DNAH7: variants seen among roughly 807,000 people sequenced by gnomAD.
DNAH7 encodes the protein dynein axonemal heavy chain 7, also known as axonemal beta dynein heavy chain 7.
A neutral mutation model predicts 444.6 loss-of-function variants in DNAH7; 397 were observed. That is an observed-to-expected ratio of 0.89 (90% confidence interval 0.82 to 0.97). DNAH7 has a LOEUF of 0.97. Ranked by LOEUF, DNAH7 falls within the 50% of genes least tolerant of loss-of-function variation. DNAH7 has a pLI of 0.00. For missense variants in DNAH7, 4,902 were observed against 4,800.8 expected, an observed-to-expected ratio of 1.02 and a Z score of -0.62; for synonymous variants, 1,636 against 1,624.4, an observed-to-expected ratio of 1.01 and a Z score of -0.17.
chr2:195,956,397 T>C (rs1452563179), intron 19 of DNAH7, among the ~76,000 whole-genome samples: 2 of 152,190 alleles, frequency 1.3e-5, no homozygotes, highest in African/African-American at 4.8e-5. Context: ...ACGCCTGCAA[T>C]CCCAGCATTT....
In DNAH7 at chr2:195,876,530, CAA is replaced by C. The variant is rs1225254595; in HGVS notation, c.6117+12_6117+13del. 6.2e-7 allele frequency: 1 copy of C among 1,612,912 alleles called. No individual in the cohort carries two copies. Among genetic ancestry groups the C allele is most frequent in the Admixed American group, 1.7e-5 (1 of 59,936 alleles). ...TATATGAATAGGCCCGGGTACTGTA[CAA>C]AGAGTCATTACCATTCTCTTGCCCA... is the stretch of plus-strand genomic sequence containing the variant. On this transcript the variant is annotated intron_variant, in intron 37 of 64. Coordinates refer to ENST00000312428, the MANE Select transcript of DNAH7 (RefSeq NM_018897.3).
chr2:195,922,034 G>T, intron 24 of DNAH7, 54 bp downstream of exon 24: 1 of 1,018,392 alleles, frequency 9.8e-7, no homozygotes, highest in Non-Finnish European at 1.6e-6. Context: ...TAAATCAGTG[G>T]TACAGGGGTG....
intron 46 of DNAH7, among the ~76,000 whole-genome samples, chr2:195,846,951 G>GTA (rs1325302916): frequency 7.5e-6 from 1 of 133,982 alleles, no homozygotes; most frequent in Non-Finnish European, 1.6e-5. Context: ...TCCCATATAT[G>GTA]TGTGTGTGTG....
intron 57 of DNAH7, among the ~76,000 whole-genome samples, chr2:195,790,981 A>C (rs1695851004): frequency 6.6e-6 from 1 of 152,226 alleles, no homozygotes; most frequent in African/African-American, 2.4e-5. Flanking sequence ...TAAGGAACTT[A>C]AACAATTTAG....
At chr2:195,878,759 A>T (rs1701201435) in intron 36 of DNAH7, among the ~76,000 whole-genome samples, 1 of 152,224 alleles carries the variant, frequency 6.6e-6, no homozygotes, top group South Asian at 2.1e-4. Flanking sequence ...TAATTAATAT[A>T]AAAAACTTCC....
chr2:195,971,335 A>T (rs1462621372), intron 16 of DNAH7, among the ~76,000 whole-genome samples: 1 of 152,234 alleles, frequency 6.6e-6, no homozygotes, highest in Non-Finnish European at 1.5e-5. Context: ...TGCTCACAGC[A>T]TTTCTGTGTG....
intron 40 of DNAH7, among the ~76,000 whole-genome samples, chr2:195,865,448 CAATA>C (rs990157309): frequency 6.6e-6 from 1 of 152,080 alleles, no homozygotes; most frequent in Non-Finnish European, 1.5e-5. Flanking sequence ...ATTGACAAAT[CAATA>C]GTTTTTGCTT....
At position 196,012,917 on chromosome 2, in the gene DNAH7, T is replaced by G; in HGVS notation, c.870-11A>C. Reference sequence around the variant, plus strand: ...ACTAAACGTAATTTTCTGCAAAAGATAAAAATAAACAGTAATTTAACAATG... The same window carrying G: ...ACTAAACGTAATTTTCTGCAAAAGAGAAAAATAAACAGTAATTTAACAATG... On this transcript the variant is annotated splice_polypyrimidine_tract_variant and intron_variant, in intron 9 of 64. Transcript: ENST00000312428. 1 of 1,470,530 alleles carries G rather than the reference T, an allele frequency of 6.8e-7. No homozygotes were observed. The highest frequency in any genetic ancestry group is 1.5e-5 in the South Asian group (1 of 67,690). 91.1% of individuals were successfully genotyped at this position (1,470,530 alleles called of 1,614,324 possible).
intron 55 of DNAH7, among the ~76,000 whole-genome samples, chr2:195,798,811 G>A (rs1559104879): frequency 6.6e-6 from 1 of 152,030 alleles, no homozygotes; most frequent in East Asian, 1.9e-4. Flanking sequence ...CTCCCAAAGT[G>A]TTGGGATTAC....
At chr2:195,758,424 T>A (rs1251560017) in intron 61 of DNAH7, among the ~76,000 whole-genome samples, 1 of 152,232 alleles carries the variant, frequency 6.6e-6, no homozygotes, top group Non-Finnish European at 1.5e-5. Flanking sequence ...CTATTTCATT[T>A]ACATTTTAAA....
At chr2:195,868,141 G>A (rs1231766911) in intron 40 of DNAH7, among the ~76,000 whole-genome samples, 6 of 141,818 alleles carry the variant, frequency 4.2e-5, no homozygotes, top group African/African-American at 1.3e-4. Flanking sequence ...TGTCACCCAG[G>A]TTGGAGTGCA....
chr2:195,919,993 C>A (rs2125341035), intron 24 of DNAH7, among the ~76,000 whole-genome samples: 1 of 152,180 alleles, frequency 6.6e-6, no homozygotes, highest in South Asian at 2.1e-4. Context: ...AAGATGTAGG[C>A]CATTAAAGCA....
rs1559074696 is a variant in DNAH7, at chr2:195,756,273, T to C, written c.11446A>G (p.Met3816Val). The change falls in exon 62 of 65, where the codon ATG becomes GTG. Residue 3816 changes from methionine (M) to valine (V), a missense_variant. Transcript: ENST00000312428. ...IQKAIKGLAVMSTDLEEVVSS... is the reference protein window; with the variant it reads ...IQKAIKGLAVVSTDLEEVVSS... Reference sequence around the variant, plus strand: ...ACCACTTCTTCAAGATCTGTAGACATGACTGCAAGCCCCTGAAACACATTT... The same window carrying C: ...ACCACTTCTTCAAGATCTGTAGACACGACTGCAAGCCCCTGAAACACATTT... The C allele has an allele frequency of 1.2e-6, 2 of 1,611,154 alleles. No individual in the cohort carries two copies. Among genetic ancestry groups the C allele is most frequent in the Non-Finnish European group, 1.7e-6 (2 of 1,178,220 alleles).
At chr2:195,812,488 TTTTTG>T (rs1338584700) in intron 51 of DNAH7, among the ~76,000 whole-genome samples, 1 of 152,204 alleles carries the variant, frequency 6.6e-6, no homozygotes, top group Non-Finnish European at 1.5e-5. Flanking sequence ...ATTTATGTTA[TTTTTG>T]TTTTATTTTG....
chr2:195,866,289 C>T (rs1024613277), intron 40 of DNAH7, among the ~76,000 whole-genome samples: 1 of 151,578 alleles, frequency 6.6e-6, no homozygotes, highest in African/African-American at 2.4e-5. Context: ...TAATGGTGTT[C>T]AGGAATCGTG....
chr2:195,883,211 G>C (rs1443598280), intron 35 of DNAH7, among the ~76,000 whole-genome samples: 2 of 152,168 alleles, frequency 1.3e-5, no homozygotes, highest in Non-Finnish European at 2.9e-5. Flanking sequence ...ACTTTGGGAG[G>C]CCGAAGTGGG....
chr2:195,875,294 A>G (rs1700982926), intron 38 of DNAH7, among the ~76,000 whole-genome samples: 1 of 152,210 alleles, frequency 6.6e-6, no homozygotes, highest in South Asian at 2.1e-4. Context: ...ACACAGAGGA[A>G]GATGAGATGC....
At chr2:195,911,840 A>G (rs1314381663) in intron 24 of DNAH7, among the ~76,000 whole-genome samples, 2 of 152,236 alleles carry the variant, frequency 1.3e-5, no homozygotes, top group African/African-American at 4.8e-5. Flanking sequence ...AACAATTACT[A>G]GAAGACATTG....
Position 196,019,189 on chromosome 2 carries a change from A to T in DNAH7, c.850T>A (p.Leu284Met). ...MNPTMLAVLD[L>M]WHTNFKKLRL... Reference sequence around the variant, plus strand: ...ACTCACTTAAAATTAGTGTGCCACAAATCTAGTACAGCCAGCATTGTGGGG... The same window carrying T: ...ACTCACTTAAAATTAGTGTGCCACATATCTAGTACAGCCAGCATTGTGGGG... Residue 284 changes from leucine to methionine, a missense_variant, in exon 9 of 65, where the codon TTG becomes ATG. Leu to Met is a conservative substitution (Grantham distance 15, BLOSUM62 2). Coordinates refer to ENST00000312428, the MANE Select transcript of DNAH7 (RefSeq NM_018897.3). 2 of 1,492,028 alleles carry T rather than the reference A, an allele frequency of 1.3e-6. No individual in the cohort carries two copies. Among genetic ancestry groups the T allele is most frequent in the Non-Finnish European group, 1.8e-6 (2 of 1,108,494 alleles). The allele number at this position is 1,492,028 out of a possible 1,614,324, so 92.4% of individuals were successfully genotyped here. A position where few individuals can be genotyped will look rare whatever the true frequency, so the allele number is the denominator to read the frequency against.
Sources: allele counts gnomAD v4.1 joint callset (sites outside exome capture counted in the v4.1 genomes callset), GRCh38; gene constraint gnomAD v4.1.1; transcripts MANE v1.5; gene names NCBI Gene and HGNC (gene_info 2026-07-23, HGNC 2026-07-21).